The following CNTNAP5 variants were observed in gnomAD, a reference collection of about 807,000 sequenced individuals.
CNTNAP5 encodes contactin associated protein family member 5.
Under a neutral mutation model 150.2 loss-of-function variants are expected in CNTNAP5, and 72 were observed. That is an observed-to-expected ratio of 0.48 (90% CI 0.40 to 0.58). CNTNAP5 has a LOEUF of 0.58. CNTNAP5 is among the 20% of genes least tolerant of loss of function. The pLI is 0.00. For synonymous variants in CNTNAP5, 672 were observed against 619.8 expected (o/e 1.08, Z -1.25); for missense variants, 1,636 against 1,626.2 (o/e 1.01, Z -0.10).
intron 3 of CNTNAP5, among the ~76,000 whole-genome samples, chr2:124,266,596 G>A (rs944228403): frequency 6.6e-6 from 1 of 152,142 alleles, no homozygotes; most frequent in African/African-American, 2.4e-5. Context: ...AACCCTCTCA[G>A]CCTCCCATGC....
At chr2:124,340,839 G>A (rs1689595211) in intron 3 of CNTNAP5, among the ~76,000 whole-genome samples, 1 of 147,928 alleles carries the variant, frequency 6.8e-6, no homozygotes, top group Non-Finnish European at 1.5e-5. Context: ...GCGTGTGCGT[G>A]TGTATATATG....
intron 8 of CNTNAP5, among the ~76,000 whole-genome samples, chr2:124,508,811 G>A (rs954841449): frequency 7.2e-5 from 11 of 152,128 alleles, no homozygotes; most frequent in Non-Finnish European, 5.9e-5. Context: ...TGTATTCTTC[G>A]ATTTTCCCAT....
rs62173284 is a variant in CNTNAP5, at chr2:124,868,108, G to T, written c.3349-1567G>T. 1.6e-3 allele frequency among the ~76,000 whole-genome samples: 244 copies of T among 152,210 alleles called. 1 individual carries two copies. Among genetic ancestry groups the T allele is most frequent in the South Asian group, 4.1e-3 (20 of 4,830 alleles). ...TTTGCTTGGATTATCACTGTTTACA[G>T]TTGCCTTTTGATTGACATCTCCCTG... On this transcript the variant is annotated intron_variant, in intron 20 of 23. Transcript: ENST00000682447.
At position 124,753,747 on chromosome 2, in the gene CNTNAP5, G is replaced by A. The variant is rs905365880; in HGVS notation, c.2234+6362G>A. On this transcript the variant is annotated intron_variant, in intron 14 of 23. Transcript: ENST00000682447. ...ACGCTGAGATTGTTTCCATGTGAGGGGATAGATATGTCAGGTAGCTTGATT... is the reference window on the plus strand; with the variant it reads ...ACGCTGAGATTGTTTCCATGTGAGGAGATAGATATGTCAGGTAGCTTGATT... 3.3e-5 allele frequency among the ~76,000 whole-genome samples: 5 copies of A among 152,010 alleles called. No individual in the cohort carries two copies. In the East Asian group the frequency reaches 7.7e-4, roughly 23 times the overall value.
intron 3 of CNTNAP5, among the ~76,000 whole-genome samples, chr2:124,386,824 C>CA (rs1690940530): frequency 6.6e-6 from 1 of 151,288 alleles, no homozygotes; most frequent in Admixed American, 6.6e-5. Context: ...TGTGTCCCCC[C>CA]AGAATTTTTA....
chr2:124,316,941 T>C (rs1425823724), intron 3 of CNTNAP5, among the ~76,000 whole-genome samples: 1 of 151,944 alleles, frequency 6.6e-6, no homozygotes, highest in Non-Finnish European at 1.5e-5. Context: ...AAAAAAACTG[T>C]ATGAGGTAGG....
Position 124,361,989 on chromosome 2 carries a change from A to C in CNTNAP5, c.382-55454A>C, listed in dbSNP as rs575560299. ...TCGTGGGCGTAGGACCCTCTGAGCCAGGTGCGGGATATAATCTTGTGGTGC... is the reference window on the plus strand; with the variant it reads ...TCGTGGGCGTAGGACCCTCTGAGCCCGGTGCGGGATATAATCTTGTGGTGC... On this transcript the variant is annotated intron_variant, in intron 3 of 23. Coordinates refer to ENST00000682447, the MANE Select transcript of CNTNAP5 (RefSeq NM_001367498.1). 4.6e-5 allele frequency among the ~76,000 whole-genome samples: 7 copies of C among 152,320 alleles called. 1 individual carries two copies. The South Asian group carries it at 1.4e-3, about 32-fold the overall frequency.
intron 13 of CNTNAP5, among the ~76,000 whole-genome samples, chr2:124,683,574 T>A (rs1009482048): frequency 6.6e-5 from 10 of 152,178 alleles, no homozygotes; most frequent in African/African-American, 2.4e-4. Flanking sequence ...GTCCATTGTA[T>A]CATTCTTATG....
At chr2:124,607,919 G>GCA in intron 11 of CNTNAP5, among the ~76,000 whole-genome samples, 1 of 152,284 alleles carries the variant, frequency 6.6e-6, no homozygotes, top group East Asian at 1.9e-4. Flanking sequence ...ACAATGTGGG[G>GCA]CACAGATTGT....
rs1680590827 is a variant in CNTNAP5 at position 124,745,752 on chromosome 2, G to C, written c.2078-1477G>C. Among the ~76,000 whole-genome samples the C allele has an allele frequency of 2.0e-5, 3 of 152,216 alleles. 1 individual carries two copies. In the South Asian group the frequency reaches 6.2e-4, roughly 31 times the overall value. On this transcript the variant is annotated intron_variant, in intron 13 of 23. Coordinates refer to ENST00000682447, the MANE Select transcript of CNTNAP5 (RefSeq NM_001367498.1). ...CTTTAGGCAGAGTGTGGACTGCCATGTTGGGATGACTGTAGTCCTCCAGGC... is the reference window on the plus strand; with the variant it reads ...CTTTAGGCAGAGTGTGGACTGCCATCTTGGGATGACTGTAGTCCTCCAGGC...
At chr2:124,652,517 C>T (rs1678344465) in intron 13 of CNTNAP5, among the ~76,000 whole-genome samples, 2 of 152,262 alleles carry the variant, frequency 1.3e-5, no homozygotes, top group East Asian at 1.9e-4. Flanking sequence ...GATGAGCATA[C>T]GAAATGAAAC....
chr2:124,154,239 G>C (rs1314598897), intron 1 of CNTNAP5, among the ~76,000 whole-genome samples: 1 of 152,094 alleles, frequency 6.6e-6, no homozygotes, highest in Non-Finnish European at 1.5e-5. Flanking sequence ...GAATGAGCCT[G>C]GTTATTCTAT....
At chr2:124,607,931 G>A (rs1677292854) in intron 11 of CNTNAP5, among the ~76,000 whole-genome samples, 1 of 152,166 alleles carries the variant, frequency 6.6e-6, no homozygotes, top group Non-Finnish European at 1.5e-5. Context: ...ACAGATTGTG[G>A]CACTCCCACA....
At chr2:124,277,004 T>C (rs2104618734) in intron 3 of CNTNAP5, among the ~76,000 whole-genome samples, 1 of 152,100 alleles carries the variant, frequency 6.6e-6, no homozygotes, top group East Asian at 1.9e-4. Flanking sequence ...GGTGCAGATA[T>C]TAGATGGGGG....
At chr2:124,714,159 C>G (rs113475377) in intron 13 of CNTNAP5, among the ~76,000 whole-genome samples, 43 of 152,160 alleles carry the variant, frequency 2.8e-4, no homozygotes, top group African/African-American at 7.9e-4. Context: ...ACTTGTTTGC[C>G]TTCTCAAGAG....
chr2:124,611,280 C>T (rs572007067), intron 12 of CNTNAP5, among the ~76,000 whole-genome samples: 4 of 152,304 alleles, frequency 2.6e-5, no homozygotes, highest in African/African-American at 9.6e-5. Context: ...GAGGTATCTC[C>T]AGCTAAATGC....
intron 11 of CNTNAP5, among the ~76,000 whole-genome samples, chr2:124,583,626 G>A (rs577867183): frequency 2.0e-5 from 3 of 152,194 alleles, no homozygotes; most frequent in South Asian, 4.1e-4. Flanking sequence ...TGTATATTTC[G>A]ACTTAGGGGA....
chr2:124,904,357 T>A (rs1334698808), intron 22 of CNTNAP5, among the ~76,000 whole-genome samples: 1 of 152,154 alleles, frequency 6.6e-6, no homozygotes, highest in Non-Finnish European at 1.5e-5. Flanking sequence ...TGCCACAATA[T>A]CTTTAATCAT....
chr2:124,455,335 C>T (rs564945180), intron 6 of CNTNAP5, among the ~76,000 whole-genome samples: 159 of 152,140 alleles, frequency 1.0e-3, no homozygotes, highest in Non-Finnish European at 1.9e-3. Flanking sequence ...ATACAACCTT[C>T]CTAGCTTACA....
Sources: gnomAD v4.1 joint callset for allele counts (sites outside exome capture counted in the v4.1 genomes callset) on GRCh38, gnomAD v4.1.1 for gene constraint, MANE v1.5 for transcripts, NCBI Gene and HGNC (gene_info 2026-07-23, HGNC 2026-07-21) for gene names.